The following HTT variants were observed in gnomAD, a reference collection of about 807,000 sequenced individuals.
HTT encodes the protein huntingtin, also known as huntington disease protein.
Under a neutral mutation model 362.3 loss-of-function variants are expected in HTT, and 104 were observed. The ratio of observed to expected loss-of-function variants is 0.29; its 90% CI spans 0.24 to 0.34. The LOEUF is 0.34. HTT is among the 10% of genes least tolerant of loss of function. The pLI, the probability that HTT is intolerant of heterozygous loss-of-function variation, is 1.00. For missense variants in HTT, 3,301 were observed against 3,928.6 expected (o/e 0.84, Z 4.27); for synonymous variants, 1,577 against 1,548.7 (o/e 1.02, Z -0.43).
Position 3,075,018 on chromosome 4 carries a change from C to T in HTT, c.193C>T (p.Pro65Ser). 1.6e-6 allele frequency: 2 copies of T among 1,270,442 alleles called. No homozygotes were observed. 78.7% of individuals were successfully genotyped at this position (1,270,442 alleles called of 1,614,324 possible). A position where few individuals can be genotyped will look rare whatever the true frequency, so the allele number is the denominator to read the frequency against. ...GCAGGCACAGCCGCTGCTGCCTCAG[C>T]CGCAGCCGCCCCCGCCGCCGCCCCC... The part of the protein sequence containing the change: ...PPQAQPLLPQ[P>S]QPPPPPPPPP... The change falls in exon 1 of 67, where the codon CCG (proline) becomes TCG (serine). Residue 65 changes from proline to serine, a missense_variant. By Grantham distance (74) the Pro-to-Ser change is moderately conservative (BLOSUM62 -1). This residue lies in a region of HTT where 2,316 missense variants were observed against 2,658.5 expected (regional missense o/e 0.87). Coordinates refer to ENST00000355072, the MANE Select transcript of HTT (RefSeq NM_001388492.1).
chr4:3,240,062 G>T lies in HTT; in HGVS notation c.*3G>T. The stretch of plus-strand genomic sequence containing the variant: ...TCCACAAGGTCACCACCTGCTGAGC[G>T]CCATGGTGGGAGAGACTGTGAGGCG... On this transcript the variant is annotated 3_prime_UTR_variant, in exon 67 of 67. Transcript: ENST00000355072. The T allele has an allele frequency of 6.3e-7, 1 of 1,577,390 alleles. No individual in the cohort carries two copies. Among genetic ancestry groups the T allele is most frequent in the East Asian group, 2.3e-5 (1 of 43,802 alleles).
chr4:3,203,143 T>C (rs953134979), intron 41 of HTT: 2 of 152,250 alleles, frequency 1.3e-5, no homozygotes, highest in Non-Finnish European at 2.9e-5. Context: ...GAGCATTGTA[T>C]GGCTAGGCTG....
At chr4:3,163,603 G>A (rs1262929665) in intron 29 of HTT, among the ~76,000 whole-genome samples, 1 of 152,144 alleles carries the variant, frequency 6.6e-6, no homozygotes, top group Non-Finnish European at 1.5e-5. Flanking sequence ...TTTAGAACCT[G>A]TTATCAGTCT....
intron 10 of HTT, among the ~76,000 whole-genome samples, chr4:3,123,718 T>G (rs540343936): frequency 1.3e-5 from 2 of 152,314 alleles, no homozygotes; most frequent in South Asian, 4.1e-4. Context: ...CTTTGTTGGG[T>G]TATTTTAATT....
intron 31 of HTT, 22 bp from the exon 32 acceptor site, chr4:3,174,699 C>T: frequency 6.3e-7 from 1 of 1,577,996 alleles, no homozygotes; most frequent in Non-Finnish European, 8.7e-7. Flanking sequence ...TTCTCTGCTT[C>T]CCTTTTATTC....
intron 22 of HTT, 35 bp downstream of exon 22, chr4:3,140,691 G>T (rs374957923): frequency 6.9e-6 from 11 of 1,598,524 alleles, no homozygotes; most frequent in Non-Finnish European, 8.5e-6. Flanking sequence ...ACATTGTCGG[G>T]AAAATGCCCT....
intron 37 of HTT, among the ~76,000 whole-genome samples, chr4:3,185,730 T>C (rs976445762): frequency 6.6e-5 from 10 of 152,124 alleles, no homozygotes; most frequent in African/African-American, 2.4e-4. Context: ...CTGGGCAACA[T>C]GGTGAAACCC....
At chr4:3,146,109 T>C (rs1053744604) in intron 24 of HTT, among the ~76,000 whole-genome samples, 1 of 152,222 alleles carries the variant, frequency 6.6e-6, no homozygotes, top group African/African-American at 2.4e-5. Context: ...CGTTTCTGCA[T>C]CTGTTCACAA....
At chr4:3,225,206 G>A (rs1402949690) in intron 56 of HTT, among the ~76,000 whole-genome samples, 2 of 152,148 alleles carry the variant, frequency 1.3e-5, no homozygotes, top group Non-Finnish European at 2.9e-5. Context: ...CGCTCCTGCC[G>A]GCTGTATCTG....
intron 53 of HTT, among the ~76,000 whole-genome samples, chr4:3,222,079 C>T (rs903571395): frequency 5.3e-5 from 8 of 152,364 alleles, no homozygotes; most frequent in African/African-American, 1.4e-4. Context: ...CCTGCATGGG[C>T]GTCCCTGCCC....
rs1721722630 is a variant in HTT, at chr4:3,239,836, C to T, written c.9216-10C>T. The T allele has an allele frequency of 1.3e-6, 2 of 1,551,786 alleles. No homozygotes were observed. Among genetic ancestry groups the T allele is most frequent in the Non-Finnish European group, 1.7e-6 (2 of 1,146,812 alleles). The stretch of plus-strand genomic sequence containing the variant: ...CATTTGCCGGCCTTTTTCCTTAACT[C>T]CTGCACCAGCCTCCCACATGTCATC... On this transcript the variant is annotated splice_polypyrimidine_tract_variant and intron_variant, in intron 66 of 66. Transcript: ENST00000355072.
At chr4:3,084,317 G>T (rs1713084187) in intron 1 of HTT, among the ~76,000 whole-genome samples, 1 of 146,390 alleles carries the variant, frequency 6.8e-6, no homozygotes, top group South Asian at 2.2e-4. Flanking sequence ...TGATACTTGT[G>T]TCTCAGTCTC....
At chr4:3,224,380 G>A (rs534064574) in intron 56 of HTT, among the ~76,000 whole-genome samples, 13 of 152,298 alleles carry the variant, frequency 8.5e-5, no homozygotes, top group South Asian at 8.3e-4. Context: ...GAATTCTCAC[G>A]GGCTGTAAGA....
In HTT at chr4:3,186,730, C is replaced by A. The variant is rs148659037; in HGVS notation, c.4989+11C>A. 8.1e-6 allele frequency: 13 copies of A among 1,611,540 alleles called. No individual in the cohort carries two copies. Among genetic ancestry groups the A allele is most frequent in the South Asian group, 1.1e-5 (1 of 91,016 alleles). The stretch of plus-strand genomic sequence containing the variant: ...ACTCCAAACACAATGGTGAGTCTCT[C>A]GCCTGGCTCAGCAGATGAATCTGGA... On this transcript the variant is annotated intron_variant, in intron 38 of 66. Coordinates refer to ENST00000355072, the MANE Select transcript of HTT (RefSeq NM_001388492.1).
Position 3,143,351 on chromosome 4 carries a change from C to T in HTT, c.3066+465C>T, listed in dbSNP as rs544220619. On this transcript the variant is annotated intron_variant, in intron 23 of 66. Coordinates refer to ENST00000355072, the MANE Select transcript of HTT (RefSeq NM_001388492.1). ...ACTCAGGAGGCTGAGGCAGGAGAAT[C>T]GCTTGAACCTGGGAGGTAGAGGTTG... Among the ~76,000 whole-genome samples the T allele has an allele frequency of 5.0e-3, 737 of 147,412 alleles. 4 individuals carry two copies. The highest frequency in any genetic ancestry group is 8.1e-3 in the Non-Finnish European group (545 of 67,164).
intron 1 of HTT, among the ~76,000 whole-genome samples, chr4:3,079,265 T>C (rs1712758105): frequency 6.7e-6 from 1 of 149,324 alleles, no homozygotes; most frequent in Non-Finnish European, 1.5e-5. Context: ...TTTTTTTTTT[T>C]TGGGGTTGGG....
Position 3,230,164 on chromosome 4 carries a change from G to A in HTT, c.8265+122G>A, listed in dbSNP as rs142281648. 7.2e-5 allele frequency: 55 copies of A among 765,980 alleles called. No homozygotes were observed. The Middle Eastern group carries it at 1.1e-3, about 16-fold the overall frequency. 47.4% of individuals were successfully genotyped at this position (765,980 alleles called of 1,614,324 possible). A position where few individuals can be genotyped will look rare whatever the true frequency, so the allele number is the denominator to read the frequency against. ...CTCCTTCCAAGAGTTGACCCGAACC[G>A]GACTCCACGGCCCACGTGAGCTGCA... is the stretch of plus-strand genomic sequence containing the variant. On this transcript the variant is annotated intron_variant, in intron 60 of 66. Coordinates refer to ENST00000355072, the MANE Select transcript of HTT (RefSeq NM_001388492.1).
rs1485835254 is a variant in HTT at position 3,206,917 on chromosome 4, G to T, written c.6009G>T (p.Val2003=). 1.9e-6 allele frequency: 3 copies of T among 1,614,024 alleles called. No homozygotes were observed. The highest frequency in any genetic ancestry group is 1.7e-6 in the Non-Finnish European group (2 of 1,180,026). The change falls in exon 44 of 67, where the codon GTG becomes GTT. Residue 2003 remains valine, a synonymous_variant. Transcript: ENST00000355072. The surrounding 1 kb of genome is among the most constrained non-coding windows in gnomAD (Gnocchi z 4.6). ...VDRLLCTPFR[V]LARMVDILAC... ...GGCTTCTGTGCACCCCTTTCCGTGT[G>T]CTGGCTCGCATGGTCGACATCCTTG...
intron 12 of HTT, chr4:3,129,102 G>GAAGTTCCTAATAGTT (rs1715670869): frequency 6.6e-6 from 1 of 152,168 alleles, no homozygotes; most frequent in Non-Finnish European, 1.5e-5. Flanking sequence ...AATGTTTCAG[G>GAAGTTCCTAATAGTT]CCAAATACTA....
Sources: allele counts gnomAD v4.1 joint callset (sites outside exome capture counted in the v4.1 genomes callset), GRCh38; gene constraint gnomAD v4.1.1; regional missense constraint gnomAD v4.1.1; non-coding constraint Gnocchi (gnomAD v3.1); transcripts MANE v1.5; gene names NCBI Gene and HGNC (gene_info 2026-07-23, HGNC 2026-07-21).